Variants in FOXO3 observed in about 807,000 individuals in gnomAD.
The protein encoded by FOXO3 is forkhead box O3.
Under a neutral mutation model 41.9 loss-of-function variants are expected in FOXO3, and 4 were observed. The observed-to-expected ratio is 0.10, with a 90% confidence interval of 0.05 to 0.22. FOXO3 has a LOEUF of 0.22. FOXO3 is among the 10% of genes least tolerant of loss of function. FOXO3 has a pLI of 1.00. For missense variants in FOXO3, 534 were observed against 906.8 expected, an observed-to-expected ratio of 0.59 and a Z score of 5.28; for synonymous variants, 318 against 389.3, an observed-to-expected ratio of 0.82 and a Z score of 2.16.
chr6:108,584,113 C>T (rs192302110), intron 1 of FOXO3, among the ~76,000 whole-genome samples: 33 of 152,282 alleles, frequency 2.2e-4, no homozygotes, highest in East Asian at 7.7e-4. Flanking sequence ...TTCATTCCGC[C>T]GGCACGGTAA....
chr6:108,644,349 C>T lies in FOXO3; in HGVS notation c.622-19106C>T, dbSNP rs143161885. Among the ~76,000 whole-genome samples the T allele has an allele frequency of 2.2e-4, 33 of 152,232 alleles. 1 individual carries two copies. The highest frequency in any genetic ancestry group is 7.9e-4 in the African/African-American group (33 of 41,534). ...CTCATATGCACTTAATAAATGTTAG[C>T]GTTTTTATTATTAGTAGTGATCCCT... On this transcript the variant is annotated intron_variant, in intron 1 of 2. Coordinates refer to ENST00000406360, the MANE Select transcript of FOXO3 (RefSeq NM_001455.4).
At chr6:108,606,939 TG>T (rs1777220966) in intron 1 of FOXO3, among the ~76,000 whole-genome samples, 1 of 152,220 alleles carries the variant, frequency 6.6e-6, no homozygotes, top group Non-Finnish European at 1.5e-5. Context: ...AGATGTCTCT[TG>T]TTTTTATTTT....
chr6:108,666,305 C>T (rs1305185824), intron 2 of FOXO3, among the ~76,000 whole-genome samples: 1 of 151,946 alleles, frequency 6.6e-6, no homozygotes, highest in Non-Finnish European at 1.5e-5. Context: ...CCCAAGGTTA[C>T]AGAGCTAGGT....
At chr6:108,636,418 C>A (rs1778122300) in intron 1 of FOXO3, among the ~76,000 whole-genome samples, 1 of 152,108 alleles carries the variant, frequency 6.6e-6, no homozygotes, top group Non-Finnish European at 1.5e-5. Context: ...AGGGTAAACC[C>A]AGCATCCTTA....
intron 1 of FOXO3, among the ~76,000 whole-genome samples, chr6:108,611,917 A>G (rs905233033): frequency 1.3e-5 from 2 of 152,156 alleles, no homozygotes; most frequent in African/African-American, 4.8e-5. Context: ...AATATTTTGT[A>G]TGAGTCTGGA....
intron 1 of FOXO3, among the ~76,000 whole-genome samples, chr6:108,629,249 G>A (rs1777894696): frequency 6.6e-6 from 1 of 152,088 alleles, no homozygotes; most frequent in Non-Finnish European, 1.5e-5. Context: ...TAAGAGAGAT[G>A]GAAATTGCCC....
At chr6:108,603,526 T>C (rs542704436) in intron 1 of FOXO3, among the ~76,000 whole-genome samples, 3 of 152,288 alleles carry the variant, frequency 2.0e-5, no homozygotes, top group East Asian at 3.9e-4. Flanking sequence ...ATGATTCTTA[T>C]GGTATTGGTG....
chr6:108,616,180 T>G (rs1777504348), intron 1 of FOXO3, among the ~76,000 whole-genome samples: 1 of 145,466 alleles, frequency 6.9e-6, no homozygotes, highest in Non-Finnish European at 1.5e-5. Context: ...TTTTTTTTTT[T>G]TTGAGATAGA....
At chr6:108,641,857 T>C (rs1020367094) in intron 1 of FOXO3, among the ~76,000 whole-genome samples, 2 of 152,142 alleles carry the variant, frequency 1.3e-5, no homozygotes, top group Non-Finnish European at 2.9e-5. Flanking sequence ...AAGGAGAACA[T>C]TTTACCTAAA....
chr6:108,621,770 C>G (rs1425411701), intron 1 of FOXO3, among the ~76,000 whole-genome samples: 1 of 152,090 alleles, frequency 6.6e-6, no homozygotes, highest in Non-Finnish European at 1.5e-5. Flanking sequence ...CTGTAGCTCT[C>G]CTGAAGTCAG....
In FOXO3 at chr6:108,561,518, G is replaced by C. The variant is rs971768662; in HGVS notation, c.310G>C (p.Gly104Arg). Residue 104 changes from glycine to arginine, a missense_variant, in exon 1 of 3, where the codon GGA becomes CGA. Gly to Arg is a moderately radical substitution (Grantham distance 125). Coordinates refer to ENST00000406360, the MANE Select transcript of FOXO3 (RefSeq NM_001455.4). Reference sequence around the variant, plus strand: ...GGACTCGGCCCGGGTGCTGGCACCCGGAGGGCAAGACCCCGGGTCTGGGCC... The same window carrying C: ...GGACTCGGCCCGGGTGCTGGCACCCCGAGGGCAAGACCCCGGGTCTGGGCC... ...LEDSARVLAP[G>R]GQDPGSGPAT... 8.0e-5 allele frequency: 116 copies of C among 1,444,420 alleles called. No individual in the cohort carries two copies. The highest frequency in any genetic ancestry group is 2.5e-4 in the Middle Eastern group (1 of 3,966). The allele number at this position is 1,444,420 out of a possible 1,614,324, so 89.5% of individuals were successfully genotyped here.
chr6:108,654,330 A>G (rs1778626582), intron 1 of FOXO3, among the ~76,000 whole-genome samples: 1 of 152,186 alleles, frequency 6.6e-6, no homozygotes, highest in Non-Finnish European at 1.5e-5. Flanking sequence ...ATATGAAAAT[A>G]AAATCCACCC....
chr6:108,604,780 G>T (rs1223567109), intron 1 of FOXO3, among the ~76,000 whole-genome samples: 1 of 151,968 alleles, frequency 6.6e-6, no homozygotes, highest in East Asian at 1.9e-4. Flanking sequence ...AGTATTTGAA[G>T]GATTGTCTAA....
chr6:108,564,846 C>T (rs185198173), intron 1 of FOXO3, among the ~76,000 whole-genome samples: 38 of 151,368 alleles, frequency 2.5e-4, no homozygotes, highest in African/African-American at 6.8e-4. Context: ...ATGAAGTTTT[C>T]TGATCTAGTT....
rs74750875 is a variant in FOXO3 at position 108,578,341 on chromosome 6, G to A, written c.621+16512G>A. Among the ~76,000 whole-genome samples, 14 of 152,304 alleles carry A rather than the reference G, an allele frequency of 9.2e-5. No individual in the cohort carries two copies. The East Asian group carries it at 2.1e-3, about 23-fold the overall frequency. On this transcript the variant is annotated intron_variant, in intron 1 of 2. Transcript: ENST00000406360. ...GTCTGTGGAATTATTCTGGTGATAG[G>A]AGTAAAAAATCTTAACGTCGCTTGC...
rs1009976123 is a variant in FOXO3 at position 108,561,162 on chromosome 6, G to T, written c.-47G>T. ...CCCCCGCTGCACCCCGCCCCGGCGCGAGAGGAGAGCGCGAGAGCCCCAGCC... is the reference window on the plus strand; with the variant it reads ...CCCCCGCTGCACCCCGCCCCGGCGCTAGAGGAGAGCGCGAGAGCCCCAGCC... On this transcript the variant is annotated 5_prime_UTR_variant, in exon 1 of 3. Transcript: ENST00000406360. 3.3e-6 allele frequency: 5 copies of T among 1,508,924 alleles called. No individual in the cohort carries two copies. The Admixed American group carries it at 8.3e-5, about 25-fold the overall frequency. 93.5% of individuals were successfully genotyped at this position (1,508,924 alleles called of 1,614,324 possible).
At chr6:108,559,880 C>G (rs1775723479), upstream of FOXO3, 1 of 152,458 alleles carries the variant, frequency 6.6e-6, no homozygotes, top group Admixed American at 6.5e-5. Flanking sequence ...AGCTGACAGG[C>G]GGTTCCTCGG....
intron 1 of FOXO3, among the ~76,000 whole-genome samples, chr6:108,562,790 T>TG (rs1348825531): frequency 1.3e-5 from 2 of 152,208 alleles, no homozygotes; most frequent in Non-Finnish European, 2.9e-5. Context: ...AGGCCTATGA[T>TG]GTAATGACTT....
Position 108,561,823 on chromosome 6 carries a change from C to A in FOXO3, c.615C>A (p.Gly205=). The A allele has an allele frequency of 6.3e-7, 1 of 1,577,536 alleles. No individual in the cohort carries two copies. The highest frequency in any genetic ancestry group is 2.4e-5 in the East Asian group (1 of 41,836). The change falls in exon 1 of 3, where the codon GGC becomes GGA. Residue 205 remains glycine, a synonymous_variant. Transcript: ENST00000406360. ...AGGGCGACAGCAACAGCTCTGCCGG[C>A]TGGAAGGTGCGTACCCACCCCGGGC... The part of the protein sequence containing the change: ...KDKGDSNSSA[G]WKNSIRHNLS...
Sources: gnomAD v4.1 joint callset for allele counts (sites outside exome capture counted in the v4.1 genomes callset) on GRCh38, gnomAD v4.1.1 for gene constraint, MANE v1.5 for transcripts, NCBI Gene and HGNC (gene_info 2026-07-23, HGNC 2026-07-21) for gene names.